The following TRABD2B variants were observed in gnomAD, a reference collection of about 807,000 sequenced individuals.
The protein encoded by TRABD2B is metalloprotease TIKI2.
In TRABD2B, 14 loss-of-function variants were observed where a neutral mutation model predicts 40.1. The observed-to-expected ratio is 0.35, with a 90% confidence interval of 0.23 to 0.55. The LOEUF (loss-of-function observed/expected upper bound fraction) is 0.55, where lower values mean the gene tolerates loss of function less well. Ranked by LOEUF, TRABD2B falls within the 20% of genes least tolerant of loss-of-function variation. The probability of loss-of-function intolerance (pLI) is 0.90; values close to 1 mark genes in which losing one functional copy is unlikely to be tolerated. For missense variants in TRABD2B, 541 were observed against 648.6 expected (o/e 0.83, Z 1.80); for synonymous variants, 263 against 277.0 (o/e 0.95, Z 0.50).
At chr1:47,850,483 C>T (rs1369606631) in intron 2 of TRABD2B, among the ~76,000 whole-genome samples, 5 of 152,218 alleles carry the variant, frequency 3.3e-5, no homozygotes, top group Non-Finnish European at 7.3e-5. Flanking sequence ...TTCATGCATT[C>T]AATGAACATT....
chr1:47,904,968 T>C (rs1644656473), intron 2 of TRABD2B, among the ~76,000 whole-genome samples: 1 of 152,238 alleles, frequency 6.6e-6, no homozygotes, highest in Non-Finnish European at 1.5e-5. Context: ...ACTCTGATTC[T>C]ACAGAAACCA....
chr1:47,898,024 T>C (rs780220995), intron 2 of TRABD2B, among the ~76,000 whole-genome samples: 2 of 152,182 alleles, frequency 1.3e-5, no homozygotes, highest in Non-Finnish European at 2.9e-5. Flanking sequence ...AATTCACTGA[T>C]AATCACTCCA....
intron 2 of TRABD2B, among the ~76,000 whole-genome samples, chr1:47,886,626 C>T (rs1237699388): frequency 6.6e-6 from 1 of 152,168 alleles, no homozygotes; most frequent in Non-Finnish European, 1.5e-5. Context: ...AGTCCCCCAA[C>T]CCCTCTTTTA....
chr1:47,836,240 T>TCA (rs1645316831), intron 2 of TRABD2B, among the ~76,000 whole-genome samples: 2 of 152,224 alleles, frequency 1.3e-5, no homozygotes, highest in Non-Finnish European at 1.5e-5. Flanking sequence ...AATCTTAGTT[T>TCA]CCTTATCTTT....
At chr1:47,919,207 G>A (rs1307902499) in intron 2 of TRABD2B, among the ~76,000 whole-genome samples, 1 of 152,230 alleles carries the variant, frequency 6.6e-6, no homozygotes, top group African/African-American at 2.4e-5. Context: ...ACAATTATCT[G>A]AACAAATGAA....
At chr1:47,954,317 C>T (rs964693564) in intron 2 of TRABD2B, among the ~76,000 whole-genome samples, 41 of 152,264 alleles carry the variant, frequency 2.7e-4, no homozygotes, top group African/African-American at 9.1e-4. Flanking sequence ...CCGTTTACCC[C>T]ATTTCCCTCC....
rs557622359 is a variant in TRABD2B at position 47,880,962 on chromosome 1, G to A, written c.667-79343C>T. ...AATCCAGCGGGGAGGAGTGAGGTTC[G>A]GAGAGAGACGAGAGCACCCCATGGC... On this transcript the variant is annotated intron_variant, in intron 2 of 6. Coordinates refer to ENST00000606738, the MANE Select transcript of TRABD2B (RefSeq NM_001194986.2). Among the ~76,000 whole-genome samples, 174 of 152,268 alleles carry A rather than the reference G, an allele frequency of 1.1e-3. 2 individuals are homozygous for A. Among genetic ancestry groups the A allele is most frequent in the African/African-American group, 4.2e-3 (173 of 41,556 alleles).
intron 2 of TRABD2B, among the ~76,000 whole-genome samples, chr1:47,892,282 T>C (rs1557640410): frequency 6.6e-6 from 1 of 152,242 alleles, no homozygotes; most frequent in Admixed American, 6.5e-5. Context: ...AGGATGACTC[T>C]AAGACTTTTG....
At chr1:47,787,772 GCATTCATT>G (rs60604586) in intron 4 of TRABD2B, among the ~76,000 whole-genome samples, 31 of 151,844 alleles carry the variant, frequency 2.0e-4, no homozygotes, top group African/African-American at 6.8e-4. Context: ...CAGGGTTGGT[GCATTCATT>G]CATTCATTCA....
At chr1:47,779,854 G>T (rs890154687) in intron 4 of TRABD2B, among the ~76,000 whole-genome samples, 9 of 152,214 alleles carry the variant, frequency 5.9e-5, no homozygotes, top group African/African-American at 2.2e-4. Flanking sequence ...AAGCCAGAAG[G>T]TCAGCATGCT....
At chr1:47,855,689 G>T (rs547166512) in intron 2 of TRABD2B, among the ~76,000 whole-genome samples, 1 of 152,192 alleles carries the variant, frequency 6.6e-6, no homozygotes, top group Admixed American at 6.5e-5. Context: ...ATGGTAATTG[G>T]AGATGGGGGC....
intron 2 of TRABD2B, among the ~76,000 whole-genome samples, chr1:47,815,112 T>C (rs890341128): frequency 6.6e-6 from 1 of 152,214 alleles, no homozygotes; most frequent in Non-Finnish European, 1.5e-5. Context: ...GGGTCTCCTA[T>C]GCTCCCTTAT....
In TRABD2B at chr1:47,794,714, G is replaced by A. The variant is rs1315252787; in HGVS notation, c.860C>T (p.Thr287Met). ...NTTLPPHEQV[T>M]AQEIDSYFRQ... ...GAAGTAGCTGTCAATCTCCTGGGCC[G>A]TCACCTGCTCGTGTGGCGGGAGGGT... is the stretch of plus-strand genomic sequence containing the variant. The change falls in exon 4 of 7, where the codon ACG (threonine) becomes ATG (methionine). Residue 287 changes from threonine (T) to methionine (M), a missense_variant. Thr to Met is a moderately conservative substitution (Grantham distance 81). Around this residue, in one of 2 missense-constraint regions of TRABD2B, gnomAD observed 369 missense variants for 492.8 expected, o/e 0.75. Transcript: ENST00000606738. 39 of 1,535,756 alleles carry A rather than the reference G, an allele frequency of 2.5e-5. 1 individual carries two copies. The highest frequency in any genetic ancestry group is 1.7e-4 in the South Asian group (14 of 83,976).
intron 2 of TRABD2B, among the ~76,000 whole-genome samples, chr1:47,940,767 G>A (rs1414487945): frequency 1.3e-5 from 2 of 152,224 alleles, no homozygotes; most frequent in African/African-American, 2.4e-5. Context: ...GAGGCAGGAT[G>A]CAGGAATAAA....
At chr1:47,939,649 C>T (rs1268000073) in intron 2 of TRABD2B, among the ~76,000 whole-genome samples, 2 of 152,166 alleles carry the variant, frequency 1.3e-5, no homozygotes, top group Non-Finnish European at 2.9e-5. Flanking sequence ...AGAAGCTGGG[C>T]TGGGAGTCTA....
intron 2 of TRABD2B, among the ~76,000 whole-genome samples, chr1:47,903,538 G>A (rs1644632880): frequency 6.6e-6 from 1 of 152,148 alleles, no homozygotes; most frequent in Admixed American, 6.5e-5. Context: ...CACAGAGATG[G>A]GGTGAAGATT....
intron 2 of TRABD2B, among the ~76,000 whole-genome samples, chr1:47,812,342 G>A (rs1431892434): frequency 6.6e-6 from 1 of 152,218 alleles, no homozygotes; most frequent in Non-Finnish European, 1.5e-5. Context: ...GAGGTTGGGG[G>A]CCTCAGAGGG....
intron 2 of TRABD2B, among the ~76,000 whole-genome samples, chr1:47,872,756 T>C (rs568276183): frequency 1.3e-5 from 2 of 152,116 alleles, no homozygotes; most frequent in South Asian, 2.1e-4. Flanking sequence ...AGGGAGTCCC[T>C]TGAGAAGACT....
chr1:47,916,939 T>A (rs1446676367), intron 2 of TRABD2B, among the ~76,000 whole-genome samples: 1 of 152,252 alleles, frequency 6.6e-6, no homozygotes, highest in African/African-American at 2.4e-5. Flanking sequence ...CTGTACACAG[T>A]TTAACGTTTG....
Sources: gnomAD v4.1 joint callset for allele counts (sites outside exome capture counted in the v4.1 genomes callset) on GRCh38, gnomAD v4.1.1 for gene constraint, gnomAD v4.1.1 regional missense constraint, MANE v1.5 for transcripts, NCBI Gene and HGNC (gene_info 2026-07-23, HGNC 2026-07-21) for gene names.